Variants in CREBBP observed in about 807,000 individuals in gnomAD.
CREBBP encodes CREB-binding protein.
In CREBBP, 19 loss-of-function variants were observed where a neutral mutation model predicts 265.0. That is an observed-to-expected ratio of 0.07 (90% CI 0.05 to 0.11). The LOEUF (loss-of-function observed/expected upper bound fraction) is 0.11, where lower values mean the gene tolerates loss of function less well. Ranked by LOEUF, CREBBP falls within the 10% of genes least tolerant of loss-of-function variation. The pLI is 1.00. For synonymous variants in CREBBP, 1,457 were observed against 1,223.7 expected, an observed-to-expected ratio of 1.19 and a Z score of -3.98; for missense variants, 2,525 against 3,219.0, an observed-to-expected ratio of 0.78 and a Z score of 5.22.
chr16:3,767,775 A>G lies in CREBBP; in HGVS notation c.3195T>C (p.Ser1065=). 6.2e-7 allele frequency: 1 copy of G among 1,613,924 alleles called. No individual in the cohort carries two copies. The highest frequency in any genetic ancestry group is 8.5e-7 in the Non-Finnish European group (1 of 1,179,974). The stretch of plus-strand genomic sequence containing the variant: ...ACTGAGAGGCTGTGCCGTTACTGCT[A>G]CTCTCTTCTTCCTCTTTAACTTCTA... ...VKVEVKEEEE[S]SSNGTASQST... The change falls in exon 16 of 31, where the codon AGT becomes AGC. Residue 1065 remains serine, a synonymous_variant. Transcript: ENST00000262367.
intron 1 of CREBBP, among the ~76,000 whole-genome samples, chr16:3,852,760 C>A (rs1237220220): frequency 1.3e-5 from 2 of 152,132 alleles, no homozygotes; most frequent in Non-Finnish European, 2.9e-5. Context: ...AATAATCCGT[C>A]TTTCCTGATA....
chr16:3,849,412 T>C lies in CREBBP; in HGVS notation c.798+885A>G, dbSNP rs1437881693. 9.0e-4 allele frequency among the ~76,000 whole-genome samples: 5 copies of C among 5,572 alleles called. No homozygotes were observed. In the Non-Finnish European group the frequency reaches 0.01, roughly 11 times the overall value. 3.7% of individuals were successfully genotyped at this position (5,572 alleles called of 152,430 possible). The stretch of plus-strand genomic sequence containing the variant: ...GTGTGTGTGTGTGTGTGTGTGTGTG[T>C]GTGTGTGTGTGTGTGTGTGTGTGTG... On this transcript the variant is annotated intron_variant, in intron 2 of 30. Transcript: ENST00000262367.
chr16:3,878,365 T>C (rs949478504), intron 1 of CREBBP, among the ~76,000 whole-genome samples: 1 of 152,234 alleles, frequency 6.6e-6, no homozygotes, highest in Non-Finnish European at 1.5e-5. Flanking sequence ...TCAACTTTTA[T>C]CAGCTAAAAA....
rs1567273039 is a variant in CREBBP at position 3,740,512 on chromosome 16, G to A, written c.4020C>T (p.Asp1340=). 1.2e-6 allele frequency: 2 copies of A among 1,614,220 alleles called. No individual in the cohort carries two copies. Among genetic ancestry groups the A allele is most frequent in the East Asian group, 4.5e-5 (2 of 44,886 alleles). The change falls in exon 24 of 31, where the codon GAC becomes GAT. Residue 1340 remains aspartate, a synonymous_variant. Coordinates refer to ENST00000262367, the MANE Select transcript of CREBBP (RefSeq NM_004380.3). ...QTTRLGNHLE[D]RVNKFLRRQN... The stretch of plus-strand genomic sequence containing the variant: ...GGCGCCGCAAAAATTTGTTCACTCG[G>A]TCTTCCAAGTGGTTTCCCAGTCTTG...
intron 1 of CREBBP, among the ~76,000 whole-genome samples, chr16:3,857,715 T>C (rs2054992746): frequency 6.6e-6 from 1 of 152,112 alleles, no homozygotes. Flanking sequence ...CCCAGAGCAT[T>C]TGCACCTCAA....
At chr16:3,878,630 T>C (rs917959598) in intron 1 of CREBBP, among the ~76,000 whole-genome samples, 2 of 152,216 alleles carry the variant, frequency 1.3e-5, no homozygotes, top group Non-Finnish European at 2.9e-5. Context: ...ACAGAACTAT[T>C]TCCACAAGTT....
At chr16:3,798,208 G>A (rs933739819) in intron 3 of CREBBP, among the ~76,000 whole-genome samples, 5 of 152,206 alleles carry the variant, frequency 3.3e-5, no homozygotes, top group Admixed American at 6.5e-5. Context: ...TTCAACGTAA[G>A]AGTGACAATC....
intron 26 of CREBBP, among the ~76,000 whole-genome samples, chr16:3,737,665 T>C (rs1215976399): frequency 2.6e-5 from 4 of 152,148 alleles, no homozygotes; most frequent in African/African-American, 9.7e-5. Flanking sequence ...GGTTTCACCA[T>C]GTTGGTCAGG....
chr16:3,738,185 T>C (rs1229392757), intron 26 of CREBBP, among the ~76,000 whole-genome samples: 1 of 152,086 alleles, frequency 6.6e-6, no homozygotes, highest in Non-Finnish European at 1.5e-5. Context: ...AGGGATCTTA[T>C]AGGTCAATAA....
chr16:3,876,290 T>TC (rs1449106018), intron 1 of CREBBP, among the ~76,000 whole-genome samples: 2 of 149,942 alleles, frequency 1.3e-5, no homozygotes, highest in Non-Finnish European at 3.0e-5. Flanking sequence ...TCCTCCTGTC[T>TC]CAGTCTCCCT....
chr16:3,850,255 G>C, intron 2 of CREBBP, 42 bp downstream of exon 2: 1 of 1,606,534 alleles, frequency 6.2e-7, no homozygotes, highest in South Asian at 1.1e-5. Flanking sequence ...GGGAAAGCCC[G>C]CGGTTAGGTA....
intron 23 of CREBBP, chr16:3,740,898 G>A (rs2052187949): frequency 2.7e-6 from 1 of 372,408 alleles, no homozygotes; most frequent in Non-Finnish European, 5.2e-6. Context: ...GCTTTCCCTG[G>A]AGGGCAGAGA....
chr16:3,788,750 G>A (rs1221145075), intron 5 of CREBBP, among the ~76,000 whole-genome samples: 2 of 152,168 alleles, frequency 1.3e-5, no homozygotes, highest in African/African-American at 4.8e-5. Context: ...TCAGGAGTTC[G>A]AGACAAGCCT....
chr16:3,730,579 G>T (rs1049827101), intron 30 of CREBBP: 1 of 159,274 alleles, frequency 6.3e-6, no homozygotes, highest in African/African-American at 2.4e-5. Context: ...GGAGACTGGA[G>T]AAAGGTGGAA....
intron 2 of CREBBP, among the ~76,000 whole-genome samples, chr16:3,834,165 T>G (rs941320067): frequency 1.3e-5 from 2 of 152,132 alleles, no homozygotes; most frequent in African/African-American, 4.8e-5. Context: ...TCATCACTGG[T>G]GGGAATGTAA....
intron 2 of CREBBP, among the ~76,000 whole-genome samples, chr16:3,830,358 C>A (rs368101961): frequency 6.6e-6 from 1 of 151,876 alleles, no homozygotes; most frequent in East Asian, 1.9e-4. Flanking sequence ...GCCCAGACTG[C>A]GCCACTGGAC....
At chr16:3,752,586 GA>G (rs1346970870) in intron 19 of CREBBP, among the ~76,000 whole-genome samples, 4 of 151,528 alleles carry the variant, frequency 2.6e-5, no homozygotes, top group Admixed American at 6.6e-5. Flanking sequence ...TTATCAATAT[GA>G]ATATACAGAG....
intron 1 of CREBBP, among the ~76,000 whole-genome samples, chr16:3,869,729 A>C (rs1158042680): frequency 6.6e-6 from 1 of 152,112 alleles, no homozygotes; most frequent in Non-Finnish European, 1.5e-5. Flanking sequence ...CCCAATAACG[A>C]CCACTGGACA....
intron 28 of CREBBP, among the ~76,000 whole-genome samples, chr16:3,733,934 G>A (rs1055495721): frequency 5.3e-5 from 8 of 152,160 alleles, no homozygotes; most frequent in Non-Finnish European, 1.2e-4. Flanking sequence ...GAGCCACCAC[G>A]CCCGGCCTGG....
Sources: allele counts gnomAD v4.1 joint callset (sites outside exome capture counted in the v4.1 genomes callset), GRCh38; gene constraint gnomAD v4.1.1; transcripts MANE v1.5; gene names NCBI Gene and HGNC (gene_info 2026-07-23, HGNC 2026-07-21).